MITF: variants seen among roughly 807,000 people sequenced by gnomAD.
MITF encodes melanocyte inducing transcription factor.
A neutral mutation model predicts 60.5 loss-of-function variants in MITF; 17 were observed. The ratio of observed to expected loss-of-function variants is 0.28; its 90% confidence interval spans 0.19 to 0.42. MITF has a LOEUF of 0.42. Ranked by LOEUF, MITF falls within the 10% of genes least tolerant of loss-of-function variation. MITF has a pLI of 1.00. For missense variants in MITF, 622 were observed against 683.5 expected, an observed-to-expected ratio of 0.91 and a Z score of 1.00; for synonymous variants, 260 against 248.5, an observed-to-expected ratio of 1.05 and a Z score of -0.43.
At chr3:69,817,607 A>G (rs933515891) in intron 1 of MITF, among the ~76,000 whole-genome samples, 1 of 152,104 alleles carries the variant, frequency 6.6e-6, no homozygotes, top group Non-Finnish European at 1.5e-5. Context: ...TGGGAGGGAG[A>G]GCAGGCAAGA....
At chr3:69,787,997 C>G (rs535152875) in intron 1 of MITF, among the ~76,000 whole-genome samples, 1 of 152,162 alleles carries the variant, frequency 6.6e-6, no homozygotes, top group African/African-American at 2.4e-5. Context: ...CTGTCATTAT[C>G]TCTGTTTTGA....
intron 1 of MITF, among the ~76,000 whole-genome samples, chr3:69,817,857 C>G (rs748577542): frequency 3.9e-5 from 6 of 152,074 alleles, no homozygotes; most frequent in Admixed American, 6.6e-5. Flanking sequence ...TGATCAATAT[C>G]AAGCCTTTTG....
At chr3:69,826,976 A>G (rs1386318623) in intron 1 of MITF, among the ~76,000 whole-genome samples, 1 of 152,014 alleles carries the variant, frequency 6.6e-6, no homozygotes, top group African/African-American at 2.4e-5. Context: ...GTTGTATTCT[A>G]GGTACTGGGG....
At chr3:69,780,444 A>C (rs964895669) in intron 1 of MITF, among the ~76,000 whole-genome samples, 1 of 152,196 alleles carries the variant, frequency 6.6e-6, no homozygotes, top group African/African-American at 2.4e-5. Context: ...TCTTGATGGA[A>C]TGTTTAGAGC....
intron 2 of MITF, among the ~76,000 whole-genome samples, chr3:69,915,451 TAATG>T (rs1325819793): frequency 6.6e-6 from 1 of 151,812 alleles, no homozygotes; most frequent in Non-Finnish European, 1.5e-5. Context: ...ACATGAAAAT[TAATG>T]AATGATATTG....
chr3:69,941,257 A>G lies in MITF; in HGVS notation c.688A>G (p.Ile230Val). ...ACAGATGGATGATGTAATCGATGAC[A>G]TCATTAGCCTAGAATCAAGTTATAA... ...CMQMDDVIDDIISLESSYNEE... is the reference protein window; with the variant it reads ...CMQMDDVIDDVISLESSYNEE... Residue 230 changes from isoleucine to valine, a missense_variant, in exon 5 of 10, where the codon ATC becomes GTC. By Grantham distance (29) the Ile-to-Val change is conservative (BLOSUM62 3). Coordinates refer to ENST00000352241, the MANE Select transcript of MITF (RefSeq NM_001354604.2). The G allele has an allele frequency of 6.2e-7, 1 of 1,612,260 alleles. No homozygotes were observed. Among genetic ancestry groups the G allele is most frequent in the Non-Finnish European group, 8.5e-7 (1 of 1,178,616 alleles).
chr3:69,817,515 GGTGT>G (rs374237145), intron 1 of MITF, among the ~76,000 whole-genome samples: 1 of 150,736 alleles, frequency 6.6e-6, no homozygotes, highest in Non-Finnish European at 1.5e-5. Context: ...ATGTGTGTGT[GGTGT>G]GTGTGTGTGT....
intron 1 of MITF, among the ~76,000 whole-genome samples, chr3:69,818,609 C>T (rs932436156): frequency 1.6e-4 from 24 of 152,074 alleles, no homozygotes; most frequent in African/African-American, 3.1e-4. Context: ...TCTCTAGCAC[C>T]TATGTAGCAT....
At chr3:69,769,388 TA>T (rs1467461707) in intron 1 of MITF, 2 of 152,206 alleles carry the variant, frequency 1.3e-5, no homozygotes, top group East Asian at 3.8e-4. Context: ...TTGAGCTTTC[TA>T]AAAATTATTA....
intron 1 of MITF, among the ~76,000 whole-genome samples, chr3:69,754,839 A>G (rs1361026471): frequency 2.0e-5 from 3 of 152,082 alleles, no homozygotes; most frequent in Non-Finnish European, 2.9e-5. Flanking sequence ...CTGTATTCAC[A>G]GCATCAACAA....
chr3:69,799,138 GATA>G (rs1391219153), intron 1 of MITF, among the ~76,000 whole-genome samples: 1 of 152,154 alleles, frequency 6.6e-6, no homozygotes, highest in Non-Finnish European at 1.5e-5. Flanking sequence ...ATAATCTGAT[GATA>G]ATATAAAATA....
At chr3:69,805,763 A>G (rs1428610948) in intron 1 of MITF, among the ~76,000 whole-genome samples, 1 of 151,872 alleles carries the variant, frequency 6.6e-6, no homozygotes, top group Admixed American at 6.6e-5. Context: ...GCCTCAAGCA[A>G]TCCTCCTGCC....
chr3:69,761,437 G>A (rs2062211035), intron 1 of MITF, among the ~76,000 whole-genome samples: 1 of 152,180 alleles, frequency 6.6e-6, no homozygotes, highest in South Asian at 2.1e-4. Flanking sequence ...TCAAACTGAG[G>A]ACTGTCTGAC....
chr3:69,746,808 C>T (rs1048931065), intron 1 of MITF, among the ~76,000 whole-genome samples: 10 of 152,118 alleles, frequency 6.6e-5, no homozygotes, highest in Admixed American at 2.6e-4. Flanking sequence ...CAAACGAGGT[C>T]GAGAAGACCC....
chr3:69,897,062 G>GCC, intron 2 of MITF, among the ~76,000 whole-genome samples: 1 of 152,178 alleles, frequency 6.6e-6, no homozygotes, highest in Admixed American at 6.5e-5. Context: ...GCAGAAGGTA[G>GCC]GACTAGGAGG....
rs199515469 is a variant in MITF at position 69,936,709 on chromosome 3, C to G, written c.355-1113C>G. The G allele has an allele frequency of 1.4e-5, 23 of 1,613,386 alleles. No individual in the cohort carries two copies. The East Asian group carries it at 4.7e-4, about 33-fold the overall frequency. Reference sequence around the variant, plus strand: ...ACCGTCTCTCACTGGATTGGTGCCACCTAAAACATTGTTATGCTGGAAATG... The same window carrying G: ...ACCGTCTCTCACTGGATTGGTGCCAGCTAAAACATTGTTATGCTGGAAATG... On this transcript the variant is annotated intron_variant, in intron 2 of 9. Coordinates refer to ENST00000352241, the MANE Select transcript of MITF (RefSeq NM_001354604.2).
intron 1 of MITF, among the ~76,000 whole-genome samples, chr3:69,788,679 A>G (rs2062691131): frequency 1.3e-5 from 2 of 152,174 alleles, no homozygotes; most frequent in Admixed American, 1.3e-4. Flanking sequence ...AAGGACTCAC[A>G]CTTTCTGGTT....
chr3:69,760,864 C>CA (rs1450854771), intron 1 of MITF, among the ~76,000 whole-genome samples: 3 of 152,128 alleles, frequency 2.0e-5, no homozygotes, highest in African/African-American at 7.2e-5. Flanking sequence ...TGGAAATTAG[C>CA]ATATTATAGT....
At chr3:69,913,111 A>C (rs996653091) in intron 2 of MITF, among the ~76,000 whole-genome samples, 2 of 152,068 alleles carry the variant, frequency 1.3e-5, no homozygotes, top group East Asian at 3.9e-4. Context: ...ATGTAACCAG[A>C]TGTTTGTTTT....
Sources: gnomAD v4.1 joint callset for allele counts (sites outside exome capture counted in the v4.1 genomes callset) on GRCh38, gnomAD v4.1.1 for gene constraint, MANE v1.5 for transcripts, NCBI Gene and HGNC (gene_info 2026-07-23, HGNC 2026-07-21) for gene names.